Variants in ATRN observed in about 807,000 individuals in gnomAD.
ATRN encodes attractin.
ATRN carries 54 observed loss-of-function variants against 178.7 expected under a neutral mutation model. That is an observed-to-expected ratio of 0.30 (90% confidence interval 0.24 to 0.38). The LOEUF is 0.38. Ranked by LOEUF, ATRN falls within the 10% of genes least tolerant of loss-of-function variation. The pLI is 1.00. For synonymous variants in ATRN, 636 were observed against 663.0 expected, an observed-to-expected ratio of 0.96 and a Z score of 0.63; for missense variants, 1,443 against 1,815.1, an observed-to-expected ratio of 0.79 and a Z score of 3.73.
At chr20:3,608,587 A>G in intron 24 of ATRN, among the ~76,000 whole-genome samples, 1 of 152,164 alleles carries the variant, frequency 6.6e-6, no homozygotes, top group East Asian at 1.9e-4. Flanking sequence ...TTATGCTGGT[A>G]TCATGCTGTT....
At chr20:3,613,091 C>T (rs1444184934) in intron 24 of ATRN, among the ~76,000 whole-genome samples, 1 of 152,154 alleles carries the variant, frequency 6.6e-6, no homozygotes, top group Non-Finnish European at 1.5e-5. Flanking sequence ...GATTTTCTTC[C>T]TGGTTTTCTG....
At position 3,471,419 on chromosome 20, in the gene ATRN, C is replaced by T. The variant is rs1407349098; in HGVS notation, c.312C>T (p.Pro104=). Reference sequence around the variant, plus strand: ...CCGAGGCCAAGGAATGTGACCGGCCCTGTGTCAACGGCGGTCGCTGCAACC... The same window carrying T: ...CCGAGGCCAAGGAATGTGACCGGCCTTGTGTCAACGGCGGTCGCTGCAACC... ...AAAEAKECDR[P]CVNGGRCNPG... The change falls in exon 1 of 29, where the codon CCC becomes CCT. Residue 104 remains proline, a synonymous_variant. Transcript: ENST00000262919. 10 of 1,478,558 alleles carry T rather than the reference C, an allele frequency of 6.8e-6. No homozygotes were observed. The highest frequency in any genetic ancestry group is 2.9e-5 in the East Asian group (1 of 34,600). 91.6% of individuals were successfully genotyped at this position (1,478,558 alleles called of 1,614,324 possible).
chr20:3,626,745 T>G (rs528500524), intron 25 of ATRN, among the ~76,000 whole-genome samples: 42 of 151,996 alleles, frequency 2.8e-4, no homozygotes, highest in African/African-American at 9.7e-4. Flanking sequence ...AACCATACAT[T>G]GCATTTGCTA....
intron 25 of ATRN, among the ~76,000 whole-genome samples, chr20:3,626,870 G>A (rs1024434210): frequency 5.0e-5 from 7 of 139,146 alleles, no homozygotes; most frequent in Admixed American, 7.8e-5. Flanking sequence ...GCAAGCAACC[G>A]CCGCCTCCCG....
chr20:3,540,849 A>G (rs1292576417), intron 3 of ATRN, among the ~76,000 whole-genome samples: 3 of 152,078 alleles, frequency 2.0e-5, no homozygotes, highest in Non-Finnish European at 4.4e-5. Flanking sequence ...AACAGTGGCT[A>G]CCTGTGGAGA....
intron 11 of ATRN, among the ~76,000 whole-genome samples, chr20:3,568,730 C>T (rs2146235714): frequency 6.6e-6 from 1 of 152,194 alleles, no homozygotes; most frequent in South Asian, 2.1e-4. Context: ...AATATATATT[C>T]TTGATTTATT....
chr20:3,502,106 A>G (rs1568691334), intron 1 of ATRN, among the ~76,000 whole-genome samples: 1 of 152,178 alleles, frequency 6.6e-6, no homozygotes, highest in Non-Finnish European at 1.5e-5. Flanking sequence ...TCAAGTTATT[A>G]TTATAATTAC....
chr20:3,570,082 A>G (rs1331630586), intron 11 of ATRN, among the ~76,000 whole-genome samples: 1 of 152,144 alleles, frequency 6.6e-6, no homozygotes, highest in African/African-American at 2.4e-5. Flanking sequence ...AAAAAAAAAA[A>G]AAAGTTGTTC....
Position 3,578,768 on chromosome 20 carries a change from G to T in ATRN, c.2540G>T (p.Ser847Ile), listed in dbSNP as rs1365603663. ...CTGCGAATAATGCAGTCATCTCAGA[G>T]CATGGTGAGTTAAAATCCTCAAAAC... Reference protein sequence around the residue: ...KQLRIMQSSQSMSKLTLTPWV... With the variant: ...KQLRIMQSSQIMSKLTLTPWV... Residue 847 changes from serine to isoleucine, a missense_variant, in exon 15 of 29, where the codon AGC becomes ATC. By Grantham distance (142) the Ser-to-Ile change is moderately radical. This residue lies in a region of ATRN where 212 missense variants were observed against 330.7 expected (regional missense o/e 0.64). Transcript: ENST00000262919. 6.2e-7 allele frequency: 1 copy of T among 1,608,792 alleles called. No individual in the cohort carries two copies. Among genetic ancestry groups the T allele is most frequent in the Non-Finnish European group, 8.5e-7 (1 of 1,177,908 alleles).
chr20:3,544,964 A>G (rs925499926), intron 3 of ATRN, among the ~76,000 whole-genome samples: 2 of 152,138 alleles, frequency 1.3e-5, no homozygotes, highest in Non-Finnish European at 2.9e-5. Context: ...TGTAAAATGG[A>G]ATATACAATG....
At chr20:3,583,848 T>C in intron 16 of ATRN, 50 bp from the exon 17 acceptor site, 1 of 1,537,906 alleles carries the variant, frequency 6.5e-7, no homozygotes, top group South Asian at 1.2e-5. Flanking sequence ...TCTTTGACCT[T>C]AGCGGACATG....
chr20:3,593,545 C>G (rs538763992), intron 19 of ATRN, among the ~76,000 whole-genome samples: 1 of 152,148 alleles, frequency 6.6e-6, no homozygotes, highest in Non-Finnish European at 1.5e-5. Context: ...GAATTCAAAC[C>G]CAGGCAGATG....
chr20:3,532,311 G>A (rs1039375764), intron 1 of ATRN, among the ~76,000 whole-genome samples: 1 of 152,140 alleles, frequency 6.6e-6, no homozygotes, highest in Non-Finnish European at 1.5e-5. Context: ...ACACACACAC[G>A]GAATAAAACA....
At chr20:3,640,973 C>A (rs1035437923) in intron 27 of ATRN, among the ~76,000 whole-genome samples, 2 of 152,134 alleles carry the variant, frequency 1.3e-5, no homozygotes, top group Non-Finnish European at 2.9e-5. Flanking sequence ...TGTGATGAAC[C>A]TTGAAGACAT....
At chr20:3,546,120 CT>C (rs1372870480) in intron 4 of ATRN, among the ~76,000 whole-genome samples, 1 of 152,156 alleles carries the variant, frequency 6.6e-6, no homozygotes, top group Non-Finnish European at 1.5e-5. Flanking sequence ...GTCAAAGTAA[CT>C]GGTGGGACCA....
In ATRN at chr20:3,559,463, C is replaced by A; in HGVS notation, c.1183C>A (p.His395Asn). 3 of 1,613,556 alleles carry A rather than the reference C, an allele frequency of 1.9e-6. No individual in the cohort carries two copies. The highest frequency in any genetic ancestry group is 2.2e-5 in the South Asian group (2 of 91,032). ...GAACAATGTGGTTGTTAGATATGGTCATTCTTTGGCATTATACAAGGTAAA... is the reference window on the plus strand; with the variant it reads ...GAACAATGTGGTTGTTAGATATGGTAATTCTTTGGCATTATACAAGGTAAA... ...SVNNVVVRYG[H>N]SLALYKDKIY... Residue 395 changes from histidine to asparagine, a missense_variant, in exon 7 of 29, where the codon CAT becomes AAT. Transcript: ENST00000262919.
intron 1 of ATRN, among the ~76,000 whole-genome samples, chr20:3,526,641 A>C (rs1393775488): frequency 6.6e-6 from 1 of 152,198 alleles, no homozygotes; most frequent in Non-Finnish European, 1.5e-5. Context: ...AGCCCCAAGC[A>C]AAAAGAACAA....
At chr20:3,576,384 A>G (rs903613502) in intron 13 of ATRN, among the ~76,000 whole-genome samples, 10 of 152,248 alleles carry the variant, frequency 6.6e-5, no homozygotes, top group African/African-American at 2.4e-4. Context: ...ACTGCTCATC[A>G]TATATAGATT....
At chr20:3,509,340 C>G (rs2085092033) in intron 1 of ATRN, among the ~76,000 whole-genome samples, 1 of 151,976 alleles carries the variant, frequency 6.6e-6, no homozygotes, top group Non-Finnish European at 1.5e-5. Context: ...CTATATCTGA[C>G]AAAATAGACT....
Sources: allele counts gnomAD v4.1 joint callset (sites outside exome capture counted in the v4.1 genomes callset), GRCh38; gene constraint gnomAD v4.1.1; regional missense constraint gnomAD v4.1.1; transcripts MANE v1.5; gene names NCBI Gene and HGNC (gene_info 2026-07-23, HGNC 2026-07-21).